Variants in ARL13B observed in about 807,000 individuals in gnomAD.
ARL13B encodes the protein ARF like GTPase 13B.
ARL13B carries 36 observed loss-of-function variants against 56.1 expected under a neutral mutation model. The ratio of observed to expected loss-of-function variants is 0.64; its 90% CI spans 0.49 to 0.85. ARL13B has a LOEUF of 0.85. Among genes scored for constraint, ARL13B ranks in the 40% least tolerant of loss-of-function variants. ARL13B has a pLI of 0.00. For missense variants in ARL13B, 519 were observed against 507.1 expected, an observed-to-expected ratio of 1.02 and a Z score of -0.23; for synonymous variants, 178 against 171.1, an observed-to-expected ratio of 1.04 and a Z score of -0.32.
At chr3:94,000,551 G>GA (rs1318880122) in intron 2 of ARL13B, among the ~76,000 whole-genome samples, 2,403 of 139,990 alleles carry the variant, frequency 0.017, 54 homozygotes, top group African/African-American at 0.056. Flanking sequence ...TTGTGAAGAG[G>GA]AAAAAAAAAA....
intron 1 of ARL13B, chr3:93,988,560 G>C: frequency 3.0e-6 from 1 of 332,994 alleles, no homozygotes; most frequent in Non-Finnish European, 6.0e-6. Flanking sequence ...CACTTACAAA[G>C]CAGTTGATAA....
In ARL13B at chr3:94,036,566, A is replaced by C. The variant is rs774807971; in HGVS notation, c.501A>C (p.Ala167=). ...KCLCQIEPCS[A]ISGYGKKIDK... ...TTCTGTTTTAGGAACCATGTTCAGC[A>C]ATCTCGGGGTATGGAAAGAAAATTG... Residue 167 remains alanine, a synonymous_variant, in exon 5 of 10, where the codon GCA becomes GCC. Transcript: ENST00000394222. 5.6e-6 allele frequency: 9 copies of C among 1,614,080 alleles called. No individual in the cohort carries two copies. The South Asian group carries it at 8.8e-5, about 16-fold the overall frequency.
chr3:94,003,331 G>T (rs2076083976), intron 2 of ARL13B, among the ~76,000 whole-genome samples: 1 of 152,130 alleles, frequency 6.6e-6, no homozygotes, highest in African/African-American at 2.4e-5. Flanking sequence ...GTATTGAAAG[G>T]TTGACATTTT....
intron 7 of ARL13B, among the ~76,000 whole-genome samples, chr3:94,046,982 C>T (rs925695883): frequency 6.6e-6 from 1 of 152,030 alleles, no homozygotes; most frequent in Admixed American, 6.6e-5. Flanking sequence ...CTCTTATCTA[C>T]TAGATATACG....
At chr3:94,007,100 G>A (rs1358370000) in intron 3 of ARL13B, among the ~76,000 whole-genome samples, 1 of 152,110 alleles carries the variant, frequency 6.6e-6, no homozygotes, top group African/African-American at 2.4e-5. Context: ...GCCTAAACTA[G>A]TTGAGGTAAC....
At chr3:94,048,354 C>T (rs146796635) in intron 7 of ARL13B, among the ~76,000 whole-genome samples, 12 of 152,196 alleles carry the variant, frequency 7.9e-5, no homozygotes, top group Admixed American at 7.9e-4. Flanking sequence ...ATTGCAGTAA[C>T]ATTGATGTTC....
chr3:94,029,637 G>A (rs1037535079), intron 3 of ARL13B, among the ~76,000 whole-genome samples: 7 of 151,534 alleles, frequency 4.6e-5, no homozygotes, highest in Admixed American at 4.0e-4. Context: ...CACCATGCCC[G>A]GCCAATCACA....
chr3:94,045,201 A>G (rs1160420692), intron 7 of ARL13B, among the ~76,000 whole-genome samples: 1 of 152,178 alleles, frequency 6.6e-6, no homozygotes, highest in African/African-American at 2.4e-5. Flanking sequence ...AAATGGATTA[A>G]GGGCGGTGCA....
At chr3:94,001,116 G>A (rs1000887218) in intron 2 of ARL13B, among the ~76,000 whole-genome samples, 1 of 152,090 alleles carries the variant, frequency 6.6e-6, no homozygotes, top group African/African-American at 2.4e-5. Context: ...AGAATATTAT[G>A]ATAGAGGTAA....
intron 6 of ARL13B, 92 bp from the exon 7 acceptor site, chr3:94,042,923 A>G (rs2076886651): frequency 1.9e-6 from 2 of 1,030,072 alleles, no homozygotes; most frequent in Non-Finnish European, 2.8e-6. Flanking sequence ...TTGAAGTTAC[A>G]GAATCCTGTT....
intron 3 of ARL13B, among the ~76,000 whole-genome samples, chr3:94,034,140 T>C (rs749305774): frequency 4.6e-5 from 7 of 152,120 alleles, no homozygotes; most frequent in African/African-American, 9.7e-5. Context: ...AGTGGTATCA[T>C]GGTAATGATT....
chr3:94,016,011 A>G lies in ARL13B; in HGVS notation c.380+12103A>G, dbSNP rs995098596. Among the ~76,000 whole-genome samples the G allele has an allele frequency of 1.9e-4, 29 of 152,154 alleles. 1 individual carries two copies. Among genetic ancestry groups the G allele is most frequent in the Admixed American group, 1.4e-3 (21 of 15,276 alleles). On this transcript the variant is annotated intron_variant, in intron 3 of 9. Transcript: ENST00000394222. ...TATAAACATGAGAATATATTTATAT[A>G]CAATCTTATTTTAGGAGTAATAATG...
intron 6 of ARL13B, 29 bp downstream of exon 6, chr3:94,040,017 T>C (rs749483502): frequency 1.3e-6 from 2 of 1,591,234 alleles, no homozygotes; most frequent in East Asian, 4.5e-5. Context: ...GTAATTTTTG[T>C]ATCTTAAGTT....
chr3:94,001,485 A>G (rs2076054861), intron 2 of ARL13B, among the ~76,000 whole-genome samples: 1 of 152,160 alleles, frequency 6.6e-6, no homozygotes. Context: ...TCTTCATTTC[A>G]AGATTTTATT....
At chr3:93,992,632 G>A (rs2075895609) in intron 1 of ARL13B, among the ~76,000 whole-genome samples, 1 of 152,156 alleles carries the variant, frequency 6.6e-6, no homozygotes, top group Admixed American at 6.5e-5. Flanking sequence ...TTCCCCAAAA[G>A]TAATCGCTTT....
At chr3:94,028,769 A>G (rs1316770511) in intron 3 of ARL13B, among the ~76,000 whole-genome samples, 1 of 152,232 alleles carries the variant, frequency 6.6e-6, no homozygotes, top group African/African-American at 2.4e-5. Context: ...TATATGTAAT[A>G]TATTATTCCA....
At chr3:94,039,213 C>T (rs1315799311) in intron 5 of ARL13B, among the ~76,000 whole-genome samples, 2 of 151,952 alleles carry the variant, frequency 1.3e-5, no homozygotes, top group African/African-American at 2.4e-5. Flanking sequence ...AGAATAATTA[C>T]TATTTGGCTG....
intron 3 of ARL13B, among the ~76,000 whole-genome samples, chr3:94,028,900 A>G (rs1239973367): frequency 6.6e-6 from 1 of 152,104 alleles, no homozygotes; most frequent in African/African-American, 2.4e-5. Context: ...TTTTTGTTCC[A>G]TTTACTTTAA....
intron 2 of ARL13B, among the ~76,000 whole-genome samples, chr3:93,998,710 T>C (rs2076005989): frequency 6.6e-6 from 1 of 152,196 alleles, no homozygotes; most frequent in South Asian, 2.1e-4. Context: ...TCATGTCCAC[T>C]TTTTTGGCCT....
Sources: gnomAD v4.1 joint callset for allele counts (sites outside exome capture counted in the v4.1 genomes callset) on GRCh38, gnomAD v4.1.1 for gene constraint, MANE v1.5 for transcripts, NCBI Gene and HGNC (gene_info 2026-07-23, HGNC 2026-07-21) for gene names.